SH3RF3: variants seen among roughly 807,000 people sequenced by gnomAD.
The protein encoded by SH3RF3 is SH3 domain containing ring finger 3.
In SH3RF3, 29 loss-of-function variants were observed where a neutral mutation model predicts 66.3. That is an observed-to-expected ratio of 0.44 (90% CI 0.33 to 0.60). The LOEUF (loss-of-function observed/expected upper bound fraction) is 0.60, where lower values mean the gene tolerates loss of function less well. Ranked by LOEUF, SH3RF3 falls within the 20% of genes least tolerant of loss-of-function variation. The probability of loss-of-function intolerance (pLI) is 0.04; values close to 1 mark genes in which losing one functional copy is unlikely to be tolerated. For missense variants in SH3RF3, 1,194 were observed against 1,190.9 expected, an observed-to-expected ratio of 1.00 and a Z score of -0.04; for synonymous variants, 583 against 532.0, an observed-to-expected ratio of 1.10 and a Z score of -1.32.
intron 8 of SH3RF3, among the ~76,000 whole-genome samples, chr2:109,454,831 C>T (rs1465177055): frequency 6.6e-6 from 1 of 151,802 alleles, no homozygotes; most frequent in African/African-American, 2.4e-5. Flanking sequence ...ATAGAAGGCA[C>T]CTGGTGATGA....
At chr2:109,398,382 T>C (rs1188170044) in intron 3 of SH3RF3, among the ~76,000 whole-genome samples, 2 of 152,196 alleles carry the variant, frequency 1.3e-5, no homozygotes, top group African/African-American at 2.4e-5. Context: ...CTCTCCATCA[T>C]GGCTCCTGGG....
At chr2:109,130,160 T>G (rs954588523) in intron 1 of SH3RF3, 47 bp downstream of exon 1, 1 of 1,262,758 alleles carries the variant, frequency 7.9e-7, no homozygotes, top group Non-Finnish European at 9.9e-7. Context: ...TGGGAGTGTG[T>G]GGGTGGGTGC....
intron 1 of SH3RF3, among the ~76,000 whole-genome samples, chr2:109,203,759 TA>T (rs1678741530): frequency 1.3e-5 from 2 of 152,166 alleles, no homozygotes; most frequent in South Asian, 4.1e-4. Flanking sequence ...AGAACCCACA[TA>T]CCTTTCACAC....
At chr2:109,480,593 C>G (rs1220651716) in intron 8 of SH3RF3, among the ~76,000 whole-genome samples, 1 of 152,126 alleles carries the variant, frequency 6.6e-6, no homozygotes, top group Non-Finnish European at 1.5e-5. Context: ...GAGGTCATCC[C>G]GAGCAGCCAT....
At chr2:109,252,774 C>T (rs889778206) in intron 1 of SH3RF3, among the ~76,000 whole-genome samples, 12 of 152,152 alleles carry the variant, frequency 7.9e-5, no homozygotes, top group Admixed American at 2.0e-4. Flanking sequence ...AACACAAAGC[C>T]TGTTGTATAA....
chr2:109,171,217 T>C (rs571253398), intron 1 of SH3RF3, among the ~76,000 whole-genome samples: 1 of 152,352 alleles, frequency 6.6e-6, no homozygotes, highest in Non-Finnish European at 1.5e-5. Flanking sequence ...TCACCAAATA[T>C]AACCATATTA....
chr2:109,405,170 T>G (rs941920480), intron 4 of SH3RF3, among the ~76,000 whole-genome samples: 1 of 152,074 alleles, frequency 6.6e-6, no homozygotes, highest in African/African-American at 2.4e-5. Context: ...GATTCTCTTC[T>G]CCAACTACCT....
intron 8 of SH3RF3, among the ~76,000 whole-genome samples, chr2:109,476,593 A>G (rs1021340407): frequency 6.6e-6 from 1 of 152,222 alleles, no homozygotes; most frequent in African/African-American, 2.4e-5. Context: ...ATGAGCCTCA[A>G]ACACATGGTT....
At chr2:109,457,463 A>G (rs777950068) in intron 8 of SH3RF3, among the ~76,000 whole-genome samples, 3 of 152,376 alleles carry the variant, frequency 2.0e-5, no homozygotes, top group Non-Finnish European at 4.4e-5. Flanking sequence ...AGTCATGTGT[A>G]ATAGTTGTGA....
rs549296648 is a variant in SH3RF3, at chr2:109,158,507, C to A, written c.573+28394C>A. Among the ~76,000 whole-genome samples, 7 of 152,226 alleles carry A rather than the reference C, an allele frequency of 4.6e-5. No homozygotes were observed. In the East Asian group the frequency reaches 1.2e-3, roughly 25 times the overall value. The stretch of plus-strand genomic sequence containing the variant: ...ACTTCATCCTTCACACTGAAAGATG[C>A]CTTGGCTGGGGGAGCTGGATGGTGT... On this transcript the variant is annotated intron_variant, in intron 1 of 9. Transcript: ENST00000309415.
intron 3 of SH3RF3, among the ~76,000 whole-genome samples, chr2:109,380,945 T>A (rs1431455144): frequency 6.6e-6 from 1 of 152,266 alleles, no homozygotes. Context: ...AGAAGCTGCA[T>A]GCATGTAGAC....
chr2:109,376,761 C>T (rs1683395228), intron 3 of SH3RF3, among the ~76,000 whole-genome samples: 2 of 152,248 alleles, frequency 1.3e-5, no homozygotes, highest in African/African-American at 4.8e-5. Context: ...GGTAGACCCT[C>T]ATGCCCTCAC....
intron 1 of SH3RF3, among the ~76,000 whole-genome samples, chr2:109,288,485 A>G (rs1184645924): frequency 6.6e-6 from 1 of 152,186 alleles, no homozygotes; most frequent in Non-Finnish European, 1.5e-5. Flanking sequence ...CATTAAGGAA[A>G]TTATTTCCTC....
intron 1 of SH3RF3, among the ~76,000 whole-genome samples, chr2:109,210,794 A>G (rs1415500171): frequency 1.3e-5 from 2 of 152,224 alleles, no homozygotes; most frequent in East Asian, 1.9e-4. Context: ...AGCACGACCT[A>G]TTTCTAAAGC....
intron 1 of SH3RF3, among the ~76,000 whole-genome samples, chr2:109,251,028 G>T (rs1558982617): frequency 6.6e-6 from 1 of 151,174 alleles, no homozygotes; most frequent in East Asian, 1.9e-4. Context: ...TTGAGATTGA[G>T]TCTCACTCTG....
chr2:109,142,645 C>T (rs1676984566), intron 1 of SH3RF3, among the ~76,000 whole-genome samples: 1 of 152,198 alleles, frequency 6.6e-6, no homozygotes. Context: ...TGCTTGGCTG[C>T]ATCTTGGAGC....
chr2:109,138,898 G>C (rs1031599887), intron 1 of SH3RF3, among the ~76,000 whole-genome samples: 39 of 152,212 alleles, frequency 2.6e-4, no homozygotes, highest in African/African-American at 9.2e-4. Flanking sequence ...AACCAGAAGT[G>C]ATCCAGGCCT....
intron 1 of SH3RF3, among the ~76,000 whole-genome samples, chr2:109,257,285 CT>C (rs1680242974): frequency 6.6e-6 from 1 of 151,130 alleles, no homozygotes; most frequent in South Asian, 2.1e-4. Flanking sequence ...TCAGCTGTTT[CT>C]GCTTTTAAGT....
At chr2:109,373,525 G>A (rs1683319391) in intron 3 of SH3RF3, among the ~76,000 whole-genome samples, 1 of 152,218 alleles carries the variant, frequency 6.6e-6, no homozygotes, top group Admixed American at 6.5e-5. Flanking sequence ...AAATCTCCAA[G>A]TGAAATTTTT....
Sources: gnomAD v4.1 joint callset for allele counts (sites outside exome capture counted in the v4.1 genomes callset) on GRCh38, gnomAD v4.1.1 for gene constraint, MANE v1.5 for transcripts, NCBI Gene and HGNC (gene_info 2026-07-23, HGNC 2026-07-21) for gene names.